The following DKK2 variants were observed in gnomAD, a reference collection of about 807,000 sequenced individuals.
The protein encoded by DKK2 is dickkopf-related protein 2.
A neutral mutation model predicts 28.1 loss-of-function variants in DKK2; 11 were observed. The ratio of observed to expected loss-of-function variants is 0.39; its 90% confidence interval spans 0.25 to 0.65. DKK2 has a LOEUF of 0.65. Ranked by LOEUF, DKK2 falls within the 30% of genes least tolerant of loss-of-function variation. The pLI is 0.47. For synonymous variants in DKK2, 135 were observed against 126.5 expected, an observed-to-expected ratio of 1.07 and a Z score of -0.45; for missense variants, 326 against 335.5, an observed-to-expected ratio of 0.97 and a Z score of 0.22.
chr4:106,948,231 T>C (rs1724806529), intron 1 of DKK2, among the ~76,000 whole-genome samples: 1 of 152,140 alleles, frequency 6.6e-6, no homozygotes. Flanking sequence ...AAATTTAGTG[T>C]GCATCAGAAT....
intron 1 of DKK2, among the ~76,000 whole-genome samples, chr4:107,019,852 T>G (rs945520671): frequency 1.3e-5 from 2 of 152,096 alleles, no homozygotes; most frequent in African/African-American, 4.8e-5. Context: ...CAATTCTTAA[T>G]TCCAATAGCA....
chr4:106,953,082 C>A (rs1264757898), intron 1 of DKK2, among the ~76,000 whole-genome samples: 1 of 152,028 alleles, frequency 6.6e-6, no homozygotes, highest in South Asian at 2.1e-4. Context: ...AATTTCCTTC[C>A]TTATGTTAGG....
At chr4:106,975,923 G>A (rs1412608823) in intron 1 of DKK2, among the ~76,000 whole-genome samples, 1 of 152,136 alleles carries the variant, frequency 6.6e-6, no homozygotes, top group African/African-American at 2.4e-5. Context: ...GTGTCCCAGA[G>A]ATTCTGGTAT....
chr4:106,957,257 G>T (rs1722608037), intron 1 of DKK2, among the ~76,000 whole-genome samples: 1 of 150,498 alleles, frequency 6.6e-6, no homozygotes, highest in African/African-American at 2.4e-5. Flanking sequence ...GAAACAACAG[G>T]TGCTGGAGAG....
At chr4:106,934,549 C>G (rs1724550870) in intron 1 of DKK2, among the ~76,000 whole-genome samples, 2 of 152,146 alleles carry the variant, frequency 1.3e-5, no homozygotes, top group Admixed American at 6.5e-5. Flanking sequence ...CATACACATA[C>G]ACAATGCATT....
At chr4:106,933,986 GTA>G (rs1187038166) in intron 1 of DKK2, among the ~76,000 whole-genome samples, 5 of 149,118 alleles carry the variant, frequency 3.4e-5, no homozygotes, top group African/African-American at 1.2e-4. Context: ...GTGTGTGTGT[GTA>G]TGTGTATATA....
At chr4:106,957,675 T>G (rs1425419360) in intron 1 of DKK2, among the ~76,000 whole-genome samples, 1 of 142,562 alleles carries the variant, frequency 7.0e-6, no homozygotes, top group Non-Finnish European at 1.5e-5. Flanking sequence ...ACACCACATG[T>G]TCTCACTCAT....
At chr4:106,973,952 A>G (rs1198520264) in intron 1 of DKK2, among the ~76,000 whole-genome samples, 3 of 152,164 alleles carry the variant, frequency 2.0e-5, no homozygotes, top group African/African-American at 7.2e-5. Flanking sequence ...TTTTCTGCAT[A>G]TGGCTAGCCA....
At chr4:106,957,089 A>G (rs1044577648) in intron 1 of DKK2, among the ~76,000 whole-genome samples, 1 of 152,182 alleles carries the variant, frequency 6.6e-6, no homozygotes, top group African/African-American at 2.4e-5. Flanking sequence ...AAAAGTGGGC[A>G]AAGGACATGA....
chr4:106,983,782 T>C (rs1037537798), intron 1 of DKK2, among the ~76,000 whole-genome samples: 1 of 152,126 alleles, frequency 6.6e-6, no homozygotes, highest in Non-Finnish European at 1.5e-5. Flanking sequence ...AATAATCCTA[T>C]TAGAAAGTAG....
intron 1 of DKK2, among the ~76,000 whole-genome samples, chr4:106,980,613 T>C (rs1723013584): frequency 6.6e-6 from 1 of 152,186 alleles, no homozygotes; most frequent in African/African-American, 2.4e-5. Context: ...AATTTTTCTA[T>C]ACTGGATGAT....
chr4:106,962,084 T>C (rs1000661567), intron 1 of DKK2, among the ~76,000 whole-genome samples: 3 of 152,208 alleles, frequency 2.0e-5, no homozygotes, highest in Admixed American at 2.0e-4. Flanking sequence ...ACAGGACATC[T>C]TTATTTTCAC....
At chr4:106,962,824 G>A (rs535215733) in intron 1 of DKK2, among the ~76,000 whole-genome samples, 10 of 151,866 alleles carry the variant, frequency 6.6e-5, no homozygotes, top group East Asian at 1.9e-4. Context: ...GAGATAACAC[G>A]TAGAATAGGA....
At chr4:106,958,445 C>T (rs1195488554) in intron 1 of DKK2, among the ~76,000 whole-genome samples, 1 of 151,948 alleles carries the variant, frequency 6.6e-6, no homozygotes, top group Non-Finnish European at 1.5e-5. Context: ...AAATTATAGT[C>T]CTGCTGTACT....
At chr4:106,937,882 G>T (rs1282786179) in intron 1 of DKK2, among the ~76,000 whole-genome samples, 1 of 150,442 alleles carries the variant, frequency 6.6e-6, no homozygotes, top group Non-Finnish European at 1.5e-5. Flanking sequence ...GGTACATAAT[G>T]AAATGAAGGC....
intron 1 of DKK2, among the ~76,000 whole-genome samples, chr4:107,009,459 A>G (rs1461442862): frequency 1.3e-5 from 2 of 151,914 alleles, no homozygotes; most frequent in Non-Finnish European, 2.9e-5. Context: ...GTATTTATGA[A>G]ATATTACTAC....
intron 1 of DKK2, among the ~76,000 whole-genome samples, chr4:106,982,411 T>C (rs1317665117): frequency 3.3e-5 from 5 of 152,122 alleles, no homozygotes; most frequent in African/African-American, 1.2e-4. Flanking sequence ...TTTCCATTGC[T>C]CCTAACACAC....
intron 1 of DKK2, among the ~76,000 whole-genome samples, chr4:106,926,250 T>TG (rs1394013532): frequency 6.6e-6 from 1 of 152,178 alleles, no homozygotes; most frequent in Non-Finnish European, 1.5e-5. Context: ...TGTGTGACTT[T>TG]GGGGTCTCAA....
intron 1 of DKK2, among the ~76,000 whole-genome samples, chr4:106,930,462 T>A (rs1207877076): frequency 6.6e-6 from 1 of 152,172 alleles, no homozygotes; most frequent in Admixed American, 6.5e-5. Flanking sequence ...GTGTTTTGGG[T>A]ATCTCAGTAG....
Sources: allele counts gnomAD v4.1 joint callset (sites outside exome capture counted in the v4.1 genomes callset), GRCh38; gene constraint gnomAD v4.1.1; transcripts MANE v1.5; gene names NCBI Gene and HGNC (gene_info 2026-07-23, HGNC 2026-07-21).